CDC14A: variants seen among roughly 807,000 people sequenced by gnomAD.
CDC14A encodes dual specificity protein phosphatase CDC14A.
In CDC14A, 53 loss-of-function variants were observed where a neutral mutation model predicts 74.4. That is an observed-to-expected ratio of 0.71 (90% confidence interval 0.57 to 0.89). The LOEUF (loss-of-function observed/expected upper bound fraction) is 0.89. CDC14A is among the 40% of genes least tolerant of loss of function. The pLI, the probability that CDC14A is intolerant of heterozygous loss-of-function variation, is 0.00. For missense variants in CDC14A, 646 were observed against 713.7 expected (o/e 0.91, Z 1.08); for synonymous variants, 247 against 258.4 (o/e 0.96, Z 0.43).
At chr1:100,499,558 G>A (rs748683718) in intron 15 of CDC14A, 50 of 850,076 alleles carry the variant, frequency 5.9e-5, no homozygotes, top group Non-Finnish European at 6.6e-5. Context: ...TTGATTATGG[G>A]CATTGTTGAC....
chr1:100,426,903 A>T (rs1663027087), intron 5 of CDC14A, among the ~76,000 whole-genome samples: 1 of 152,244 alleles, frequency 6.6e-6, no homozygotes, highest in African/African-American at 2.4e-5. Flanking sequence ...AGAAAATACC[A>T]CAAAGTAGTA....
At chr1:100,475,645 G>C (rs1470669697) in intron 10 of CDC14A, among the ~76,000 whole-genome samples, 4 of 152,208 alleles carry the variant, frequency 2.6e-5, no homozygotes, top group Non-Finnish European at 4.4e-5. Context: ...GTCCAAGGCT[G>C]AGGGGCTTCT....
At chr1:100,515,777 C>T (rs555086173) in intron 15 of CDC14A, among the ~76,000 whole-genome samples, 1 of 152,118 alleles carries the variant, frequency 6.6e-6, no homozygotes, top group Admixed American at 6.5e-5. Context: ...TTTGCTGAAC[C>T]CTTTTTACTG....
chr1:100,395,773 C>T (rs1658380778), intron 4 of CDC14A, among the ~76,000 whole-genome samples: 1 of 152,046 alleles, frequency 6.6e-6, no homozygotes, highest in Admixed American at 6.6e-5. Flanking sequence ...CTGATCTGAC[C>T]CTCTCTACCT....
chr1:100,497,313 C>A (rs1003051559), intron 13 of CDC14A, among the ~76,000 whole-genome samples: 2 of 152,138 alleles, frequency 1.3e-5, no homozygotes, highest in Non-Finnish European at 2.9e-5. Flanking sequence ...GCAAACTGGA[C>A]AAACGTGTGG....
intron 4 of CDC14A, among the ~76,000 whole-genome samples, chr1:100,402,095 TAG>T (rs1433966748): frequency 6.6e-6 from 1 of 151,386 alleles, no homozygotes; most frequent in Admixed American, 6.6e-5. Flanking sequence ...AATTTTTAAT[TAG>T]AGTTGGATCT....
chr1:100,472,945 C>T (rs1668531080), intron 10 of CDC14A, among the ~76,000 whole-genome samples: 1 of 152,000 alleles, frequency 6.6e-6, no homozygotes, highest in South Asian at 2.1e-4. Context: ...CCTTCAATGC[C>T]ACACTCTCTT....
chr1:100,486,174 CAT>C (rs967210735), intron 11 of CDC14A, among the ~76,000 whole-genome samples: 31 of 152,260 alleles, frequency 2.0e-4, no homozygotes, highest in African/African-American at 7.5e-4. Flanking sequence ...AAAAGACAAA[CAT>C]AAAGTTAATC....
chr1:100,492,170 AAAGT>A (rs1642937916), intron 11 of CDC14A, among the ~76,000 whole-genome samples: 1 of 152,226 alleles, frequency 6.6e-6, no homozygotes, highest in African/African-American at 2.4e-5. Context: ...AAATACATGC[AAAGT>A]AATTATAATT....
intron 2 of CDC14A, among the ~76,000 whole-genome samples, chr1:100,370,409 C>T (rs1007882629): frequency 5.3e-5 from 8 of 151,980 alleles, no homozygotes; most frequent in African/African-American, 9.7e-5. Flanking sequence ...GCATGAGCCA[C>T]GGCTCCTGGC....
intron 5 of CDC14A, among the ~76,000 whole-genome samples, chr1:100,438,402 A>T (rs1325607130): frequency 6.6e-6 from 1 of 152,126 alleles, no homozygotes; most frequent in Non-Finnish European, 1.5e-5. Flanking sequence ...GAGACTCTGA[A>T]CCCCAAAGAC....
chr1:100,491,278 C>T (rs896400163), intron 11 of CDC14A, among the ~76,000 whole-genome samples: 2 of 151,826 alleles, frequency 1.3e-5, no homozygotes, highest in African/African-American at 4.8e-5. Context: ...AATACAACCT[C>T]TTTTTGTAAG....
At chr1:100,378,875 C>T (rs1381775897) in intron 3 of CDC14A, among the ~76,000 whole-genome samples, 3 of 151,952 alleles carry the variant, frequency 2.0e-5, no homozygotes, top group Non-Finnish European at 2.9e-5. Context: ...AGAAAAGAAG[C>T]CAGTATTTTA....
rs1557732167 is a variant in CDC14A at position 100,412,719 on chromosome 1, TA to T, written c.310-11502del. Among the ~76,000 whole-genome samples, 30 of 102,394 alleles carry T rather than the reference TA, an allele frequency of 2.9e-4. 1 individual carries two copies. The highest frequency in any genetic ancestry group is 1.3e-3 in the South Asian group (5 of 3,904). 67.2% of individuals were successfully genotyped at this position (102,394 alleles called of 152,430 possible). A position where few individuals can be genotyped will look rare whatever the true frequency, so the allele number is the denominator to read the frequency against. ...TTTTATATATATATATATATATATATATATTTTATATATATATATTTTATAT... is the reference window on the plus strand; with the variant it reads ...TTTTATATATATATATATATATATATTATTTTATATATATATATTTTATAT... On this transcript the variant is annotated intron_variant, in intron 4 of 15. Transcript: ENST00000336454.
chr1:100,352,700 CA>C lies in CDC14A; in HGVS notation c.-252del, dbSNP rs1651233780. 1 of 1,348,362 alleles carries C rather than the reference CA, an allele frequency of 7.4e-7. No individual in the cohort carries two copies. The highest frequency in any genetic ancestry group is 3.5e-5 in the Admixed American group (1 of 28,938). The allele number at this position is 1,348,362 out of a possible 1,614,324, so 83.5% of individuals were successfully genotyped here. A position where few individuals can be genotyped will look rare whatever the true frequency, so the allele number is the denominator to read the frequency against. On this transcript the variant is annotated 5_prime_UTR_variant, in exon 1 of 16. The change creates a premature stop within an existing upstream ORF in the 5' untranslated region. Transcript: ENST00000336454. ...GAGCAGCAGCTGCAGCAGCCGAGTC[CA>C]AATAGGAGCGGCCACAGCCAGGGGC...
At chr1:100,427,782 A>T (rs753699831) in intron 5 of CDC14A, among the ~76,000 whole-genome samples, 1 of 152,146 alleles carries the variant, frequency 6.6e-6, no homozygotes, top group Non-Finnish European at 1.5e-5. Context: ...GCTGCAGGAG[A>T]GCTCAGTGTA....
chr1:100,394,899 C>A (rs928789962), intron 4 of CDC14A, among the ~76,000 whole-genome samples: 8 of 152,166 alleles, frequency 5.3e-5, no homozygotes, highest in Non-Finnish European at 1.2e-4. Flanking sequence ...ATCCATTATA[C>A]ATATATCTCA....
intron 4 of CDC14A, among the ~76,000 whole-genome samples, chr1:100,402,230 A>C (rs1289344007): frequency 6.6e-6 from 1 of 152,054 alleles, no homozygotes; most frequent in African/African-American, 2.4e-5. Flanking sequence ...CGTGCCTGAT[A>C]TGAGAGCATG....
intron 3 of CDC14A, among the ~76,000 whole-genome samples, chr1:100,388,586 T>C (rs953742315): frequency 2.6e-5 from 4 of 152,172 alleles, no homozygotes; most frequent in Non-Finnish European, 1.5e-5. Context: ...TTGAGTCAAA[T>C]ACTAATTTTT....
Sources: gnomAD v4.1 joint callset for allele counts (sites outside exome capture counted in the v4.1 genomes callset) on GRCh38, gnomAD v4.1.1 for gene constraint, MANE v1.5 for transcripts, NCBI Gene and HGNC (gene_info 2026-07-23, HGNC 2026-07-21) for gene names.